The following VOPP1 variants were observed in gnomAD, a reference collection of about 807,000 sequenced individuals.
VOPP1 encodes VOPP1 WW domain binding protein, also known as WW domain binding protein VOPP1.
VOPP1 carries 8 observed loss-of-function variants against 23.5 expected under a neutral mutation model. That is an observed-to-expected ratio of 0.34 (90% CI 0.20 to 0.61). The LOEUF (loss-of-function observed/expected upper bound fraction) is 0.61, where lower values mean the gene tolerates loss of function less well. Ranked by LOEUF, VOPP1 falls within the 20% of genes least tolerant of loss-of-function variation. The pLI, the probability that VOPP1 is intolerant of heterozygous loss-of-function variation, is 0.78. For missense variants in VOPP1, 174 were observed against 238.1 expected (o/e 0.73, Z 1.77); for synonymous variants, 83 against 97.3 (o/e 0.85, Z 0.86).
intron 1 of VOPP1, among the ~76,000 whole-genome samples, chr7:55,558,377 A>C: frequency 6.6e-6 from 1 of 152,254 alleles, no homozygotes; most frequent in East Asian, 1.9e-4. Flanking sequence ...TAAATACAAA[A>C]GAATGAATTT....
intron 4 of VOPP1, among the ~76,000 whole-genome samples, chr7:55,473,718 T>C (rs975433931): frequency 6.6e-6 from 1 of 152,222 alleles, no homozygotes; most frequent in African/African-American, 2.4e-5. Context: ...CTTACTGTGA[T>C]CATGCAGATT....
intron 4 of VOPP1, among the ~76,000 whole-genome samples, chr7:55,444,301 G>T (rs1254242534): frequency 1.3e-5 from 2 of 152,158 alleles, no homozygotes; most frequent in East Asian, 3.8e-4. Context: ...CATCTGCAAT[G>T]ACCCTATTTC....
At chr7:55,466,650 AT>A (rs963975747), downstream of VOPP1, among the ~76,000 whole-genome samples, 1 of 152,006 alleles carries the variant, frequency 6.6e-6, no homozygotes, top group Non-Finnish European at 1.5e-5. Context: ...TGAACATCTT[AT>A]TTTTTTAATT....
chr7:55,465,079 G>A (rs1791600472), intron 4 of VOPP1, among the ~76,000 whole-genome samples: 1 of 152,184 alleles, frequency 6.6e-6, no homozygotes. Context: ...AGCCTCAGAT[G>A]TTCCCTGTCA....
chr7:55,556,644 C>A (rs549869746), intron 1 of VOPP1, among the ~76,000 whole-genome samples: 39 of 151,262 alleles, frequency 2.6e-4, no homozygotes, highest in African/African-American at 9.0e-4. Flanking sequence ...GAACCCCCCC[C>A]CAAAACACTT....
intron 1 of VOPP1, among the ~76,000 whole-genome samples, chr7:55,548,891 C>T (rs1797479137): frequency 6.6e-6 from 1 of 152,208 alleles, no homozygotes; most frequent in Admixed American, 6.5e-5. Context: ...CCAGCATTTC[C>T]CAAACCCAAC....
downstream of VOPP1, among the ~76,000 whole-genome samples, chr7:55,468,289 GAAAA>G (rs896405078): frequency 7.0e-6 from 1 of 142,876 alleles, no homozygotes; most frequent in Non-Finnish European, 1.5e-5. Flanking sequence ...AAAAAAAAAA[GAAAA>G]AAAAAGAAAG....
chr7:55,508,625 T>C (rs750185207), intron 2 of VOPP1, among the ~76,000 whole-genome samples: 1 of 152,218 alleles, frequency 6.6e-6, no homozygotes, highest in Non-Finnish European at 1.5e-5. Flanking sequence ...CTTTCTCCTT[T>C]CAGTAAACTG....
chr7:55,474,995 G>C (rs1315397995), intron 4 of VOPP1, among the ~76,000 whole-genome samples: 1 of 152,204 alleles, frequency 6.6e-6, no homozygotes, highest in Non-Finnish European at 1.5e-5. Flanking sequence ...TGGGGTTCCC[G>C]TGCTCTTTCT....
At chr7:55,440,088 G>A (rs548813900) in intron 4 of VOPP1, among the ~76,000 whole-genome samples, 2 of 152,366 alleles carry the variant, frequency 1.3e-5, no homozygotes, top group African/African-American at 4.8e-5. Flanking sequence ...TGGTGAGAGC[G>A]GGTGGCAGGT....
At chr7:55,531,055 T>G (rs1385089350) in intron 1 of VOPP1, 1 of 152,206 alleles carries the variant, frequency 6.6e-6, no homozygotes. Context: ...CCAAAAATAC[T>G]TAGAGGTGCC....
intron 1 of VOPP1, among the ~76,000 whole-genome samples, chr7:55,528,454 G>T (rs1796312989): frequency 6.6e-6 from 1 of 152,108 alleles, no homozygotes. Flanking sequence ...ACCCAAAAAA[G>T]AAGTGAAAAC....
At chr7:55,504,605 CCT>C (rs1415085392) in intron 2 of VOPP1, among the ~76,000 whole-genome samples, 1 of 152,234 alleles carries the variant, frequency 6.6e-6, no homozygotes, top group Non-Finnish European at 1.5e-5. Context: ...GCTGCCACTC[CCT>C]GCAGCAAGGC....
intron 4 of VOPP1, among the ~76,000 whole-genome samples, chr7:55,438,592 G>T (rs1790888432): frequency 6.6e-6 from 1 of 152,212 alleles, no homozygotes; most frequent in African/African-American, 2.4e-5. Flanking sequence ...GCCTCACAGA[G>T]CAGGACAGGC....
chr7:55,494,807 C>T (rs1242709127), intron 3 of VOPP1, among the ~76,000 whole-genome samples: 2 of 152,032 alleles, frequency 1.3e-5, no homozygotes, highest in East Asian at 1.9e-4. Context: ...CAGGAGAAAG[C>T]GCTTCTAAAA....
At chr7:55,460,026 T>G (rs149573690) in intron 4 of VOPP1, among the ~76,000 whole-genome samples, 1,826 of 151,864 alleles carry the variant, frequency 0.012, 13 homozygotes, top group Admixed American at 0.021. Context: ...CTTTTAGCAC[T>G]GCTTTTCTGT....
At chr7:55,564,243 G>GTCTCTCTCTCTGTCTCTC in intron 1 of VOPP1, among the ~76,000 whole-genome samples, 1 of 125,984 alleles carries the variant, frequency 7.9e-6, no homozygotes, top group East Asian at 2.3e-4. Flanking sequence ...CTCTGTCTCT[G>GTCTCTCTCTCTGTCTCTC]TCTCTCTCTC....
At position 55,473,042 on chromosome 7, in the gene VOPP1, G is replaced by A; in HGVS notation, c.332C>T (p.Ala111Val). Residue 111 changes from alanine (A) to valine (V), a missense_variant, in exon 5 of 5, where the codon GCC becomes GTC. Physicochemically the swap from Ala to Val is moderately conservative, Grantham distance 64 (BLOSUM62 0). Coordinates refer to ENST00000285279, the MANE Select transcript of VOPP1 (RefSeq NM_030796.5). ...TRQPPNPGPG[A>V]QQPGPPYYTD... Reference sequence around the variant, plus strand: ...GTAATAGGGCGGCCCCGGCTGCTGGGCTCCTGAAAGACAGACAAACATAGG... The same window carrying A: ...GTAATAGGGCGGCCCCGGCTGCTGGACTCCTGAAAGACAGACAAACATAGG... 1 of 1,597,418 alleles carries A rather than the reference G, an allele frequency of 6.3e-7. No homozygotes were observed. The highest frequency in any genetic ancestry group is 8.5e-7 in the Non-Finnish European group (1 of 1,173,394).
At chr7:55,556,031 T>A (rs115938900) in intron 1 of VOPP1, among the ~76,000 whole-genome samples, 61 of 152,342 alleles carry the variant, frequency 4.0e-4, no homozygotes, top group African/African-American at 1.4e-3. Flanking sequence ...AGAACATGGG[T>A]ATGTGCTGGA....
Sources: gnomAD v4.1 joint callset for allele counts (sites outside exome capture counted in the v4.1 genomes callset) on GRCh38, gnomAD v4.1.1 for gene constraint, MANE v1.5 for transcripts, NCBI Gene and HGNC (gene_info 2026-07-23, HGNC 2026-07-21) for gene names.